The following BICD1 variants were observed in gnomAD, a reference collection of about 807,000 sequenced individuals.
BICD1 encodes the protein protein bicaudal D homolog 1.
In BICD1, 35 loss-of-function variants were observed where a neutral mutation model predicts 92.5. The observed-to-expected ratio is 0.38, with a 90% confidence interval of 0.29 to 0.50. BICD1 has a LOEUF of 0.50. BICD1 is among the 20% of genes least tolerant of loss of function. The probability of loss-of-function intolerance (pLI) is 0.93; values close to 1 mark genes in which losing one functional copy is unlikely to be tolerated. For synonymous variants in BICD1, 429 were observed against 465.1 expected (o/e 0.92, Z 1.00); for missense variants, 950 against 1,189.8 (o/e 0.80, Z 2.97).
At chr12:32,162,565 C>T (rs1592396719) in intron 1 of BICD1, among the ~76,000 whole-genome samples, 1 of 152,104 alleles carries the variant, frequency 6.6e-6, no homozygotes, top group Non-Finnish European at 1.5e-5. Context: ...AAAAACAGTA[C>T]GATATGCCTA....
chr12:32,251,621 A>G (rs985068458), intron 2 of BICD1, among the ~76,000 whole-genome samples: 1 of 152,180 alleles, frequency 6.6e-6, no homozygotes, highest in Non-Finnish European at 1.5e-5. Context: ...TCTTTTATAT[A>G]CAGCTACATA....
intron 1 of BICD1, among the ~76,000 whole-genome samples, chr12:32,177,039 G>A (rs1461501712): frequency 6.6e-6 from 1 of 151,546 alleles, no homozygotes; most frequent in African/African-American, 2.4e-5. Context: ...TTTTGGCCGG[G>A]CATGGTGGCT....
intron 2 of BICD1, among the ~76,000 whole-genome samples, chr12:32,272,058 T>C (rs907161342): frequency 2.0e-5 from 3 of 152,222 alleles, no homozygotes; most frequent in Admixed American, 2.0e-4. Flanking sequence ...TAACTACTTA[T>C]GCCATATTTA....
At chr12:32,182,273 TCTTTC>T (rs1944292807) in intron 1 of BICD1, among the ~76,000 whole-genome samples, 1 of 122,220 alleles carries the variant, frequency 8.2e-6, no homozygotes, top group Non-Finnish European at 1.7e-5. Flanking sequence ...TTTCTTTCTT[TCTTTC>T]TTTTTTTTTT....
At chr12:32,314,297 G>A (rs1303785163) in intron 4 of BICD1, among the ~76,000 whole-genome samples, 1 of 152,196 alleles carries the variant, frequency 6.6e-6, no homozygotes. Flanking sequence ...ACTAGAGGTG[G>A]AAATGCTGGG....
At chr12:32,333,286 A>T (rs192753505) in intron 5 of BICD1, 1 of 980,294 alleles carries the variant, frequency 1.0e-6, no homozygotes, top group East Asian at 1.1e-4. Context: ...ATATTTCTGA[A>T]GATTCCTCCA....
intron 2 of BICD1, among the ~76,000 whole-genome samples, chr12:32,236,444 G>T (rs1248957942): frequency 6.6e-6 from 1 of 151,984 alleles, no homozygotes; most frequent in Non-Finnish European, 1.5e-5. Context: ...CATAAATGTT[G>T]TATGTGTTCT....
At chr12:32,231,121 A>C (rs543173199) in intron 2 of BICD1, among the ~76,000 whole-genome samples, 1 of 152,260 alleles carries the variant, frequency 6.6e-6, no homozygotes, top group East Asian at 1.9e-4. Context: ...TTTTGAGGTT[A>C]TTTTGGGGAG....
At chr12:32,252,004 T>A (rs1239622) in intron 2 of BICD1, among the ~76,000 whole-genome samples, 1 of 63,128 alleles carries the variant, frequency 1.6e-5, no homozygotes, top group African/African-American at 4.3e-5. Flanking sequence ...ATTTATAATA[T>A]ATATTTATAA....
intron 9 of BICD1, among the ~76,000 whole-genome samples, chr12:32,373,153 A>G (rs945295507): frequency 1.3e-5 from 2 of 152,208 alleles, no homozygotes; most frequent in African/African-American, 4.8e-5. Context: ...TAAACTTGCC[A>G]TTTACAACAT....
rs972645804 is a variant in BICD1, at chr12:32,378,972, G to A, written c.*1345G>A. 2.0e-5 allele frequency: 3 copies of A among 152,314 alleles called. No homozygotes were observed. Among genetic ancestry groups the A allele is most frequent in the African/African-American group, 7.2e-5 (3 of 41,572 alleles). 9.4% of individuals were successfully genotyped at this position (152,314 alleles called of 1,614,324 possible). A position where few individuals can be genotyped will look rare whatever the true frequency, so the allele number is the denominator to read the frequency against. ...ACAAACAAGGAAAACAGCTAACTGA[G>A]CTGAAAGGTCTAACACTCTCGGGCT... On this transcript the variant is annotated 3_prime_UTR_variant, in exon 10 of 10. Transcript: ENST00000652176.
chr12:32,262,647 G>A (rs1161319360), intron 2 of BICD1, among the ~76,000 whole-genome samples: 2 of 152,162 alleles, frequency 1.3e-5, no homozygotes, highest in Non-Finnish European at 2.9e-5. Flanking sequence ...TAAAGCCAAT[G>A]ACAAGTATCC....
At position 32,379,991 on chromosome 12, in the gene BICD1, A is replaced by T. The variant is rs1179560431; in HGVS notation, c.*2364A>T. The T allele has an allele frequency of 6.6e-6, 1 of 152,234 alleles. No individual in the cohort carries two copies. The highest frequency in any genetic ancestry group is 2.4e-5 in the African/African-American group (1 of 41,470). 9.4% of individuals were successfully genotyped at this position (152,234 alleles called of 1,614,324 possible). A position where few individuals can be genotyped will look rare whatever the true frequency, so the allele number is the denominator to read the frequency against. ...TTCTTCCAATACAAAGTGTATTATT[A>T]CGTCTATTATAAACTAGTTTCATTT... On this transcript the variant is annotated 3_prime_UTR_variant, in exon 10 of 10. Coordinates refer to ENST00000652176, the MANE Select transcript of BICD1 (RefSeq NM_001714.4).
chr12:32,298,327 C>G (rs539481119), intron 3 of BICD1, among the ~76,000 whole-genome samples: 1 of 151,924 alleles, frequency 6.6e-6, no homozygotes, highest in Non-Finnish European at 1.5e-5. Context: ...TTTGGGAGGC[C>G]GAGGTGGGCG....
chr12:32,291,289 C>G (rs1431692589), intron 2 of BICD1, among the ~76,000 whole-genome samples: 1 of 152,160 alleles, frequency 6.6e-6, no homozygotes, highest in Non-Finnish European at 1.5e-5. Flanking sequence ...ATAATCCCAG[C>G]ACTTTGGGAG....
At chr12:32,119,879 AC>A (rs1942080922) in intron 1 of BICD1, among the ~76,000 whole-genome samples, 1 of 151,758 alleles carries the variant, frequency 6.6e-6, no homozygotes, top group African/African-American at 2.4e-5. Flanking sequence ...TCAAAACAAA[AC>A]AAAACAAAAA....
chr12:32,339,880 T>C (rs948710777), intron 8 of BICD1: 1 of 944,286 alleles, frequency 1.1e-6, no homozygotes. Flanking sequence ...TGGCCTCTTT[T>C]GGAAGATTCT....
At chr12:32,116,378 G>A (rs1312160512) in intron 1 of BICD1, among the ~76,000 whole-genome samples, 1 of 151,286 alleles carries the variant, frequency 6.6e-6, no homozygotes, top group Non-Finnish European at 1.5e-5. Context: ...TTTCCACTCT[G>A]GTCACTCAGT....
chr12:32,127,553 A>G (rs1942388515), intron 1 of BICD1, among the ~76,000 whole-genome samples: 1 of 152,200 alleles, frequency 6.6e-6, no homozygotes, highest in Non-Finnish European at 1.5e-5. Context: ...CAAATGCCAC[A>G]CTGTCTTACT....
Sources: allele counts gnomAD v4.1 joint callset (sites outside exome capture counted in the v4.1 genomes callset), GRCh38; gene constraint gnomAD v4.1.1; transcripts MANE v1.5; gene names NCBI Gene and HGNC (gene_info 2026-07-23, HGNC 2026-07-21).